EPS15: variants seen among roughly 807,000 people sequenced by gnomAD.
EPS15 encodes epidermal growth factor receptor substrate 15.
Under a neutral mutation model 113.8 loss-of-function variants are expected in EPS15, and 72 were observed. The ratio of observed to expected loss-of-function variants is 0.63; its 90% CI spans 0.52 to 0.77. The LOEUF is 0.77. EPS15 is among the 30% of genes least tolerant of loss of function. The pLI is 0.00. For synonymous variants in EPS15, 344 were observed against 363.4 expected, an observed-to-expected ratio of 0.95 and a Z score of 0.61; for missense variants, 1,048 against 1,045.8, an observed-to-expected ratio of 1.00 and a Z score of -0.03.
chr1:51,390,449 G>A (rs575853207), intron 21 of EPS15, among the ~76,000 whole-genome samples: 2 of 152,292 alleles, frequency 1.3e-5, no homozygotes, highest in East Asian at 3.9e-4. Flanking sequence ...GACAACAGAA[G>A]CCAAAATTGA....
At chr1:51,515,482 A>C (rs369971301) in intron 1 of EPS15, among the ~76,000 whole-genome samples, 4 of 143,120 alleles carry the variant, frequency 2.8e-5, no homozygotes, top group Non-Finnish European at 6.1e-5. Flanking sequence ...AAAACAAAAC[A>C]AAAAAAAAAA....
intron 1 of EPS15, among the ~76,000 whole-genome samples, chr1:51,506,047 C>T (rs1419795891): frequency 2.0e-5 from 3 of 152,072 alleles, no homozygotes; most frequent in East Asian, 1.9e-4. Context: ...CCACCACACC[C>T]GGCTGATTTT....
At chr1:51,386,463 T>C (rs1456955088) in intron 21 of EPS15, among the ~76,000 whole-genome samples, 1 of 152,054 alleles carries the variant, frequency 6.6e-6, no homozygotes. Context: ...GCATTTGCGG[T>C]TCAAGAAAAT....
intron 12 of EPS15, among the ~76,000 whole-genome samples, chr1:51,434,770 C>G (rs948407274): frequency 5.9e-5 from 9 of 152,312 alleles, no homozygotes; most frequent in African/African-American, 1.9e-4. Context: ...CTCCCGGGTT[C>G]AAGCGATTCT....
chr1:51,383,290 G>A lies in EPS15; in HGVS notation c.2119+11091C>T, dbSNP rs539752698. Among the ~76,000 whole-genome samples, 4 of 152,340 alleles carry A rather than the reference G, an allele frequency of 2.6e-5. No individual in the cohort carries two copies. In the East Asian group the frequency reaches 5.8e-4, roughly 22 times the overall value. On this transcript the variant is annotated intron_variant, in intron 21 of 24. Transcript: ENST00000371733. ...GTGAATATCACATTCAATCTTGAGA[G>A]GCTGAAACCATTTCTCTACAATAAG... is the stretch of plus-strand genomic sequence containing the variant.
chr1:51,454,685 G>A (rs1653842743), intron 8 of EPS15, among the ~76,000 whole-genome samples: 1 of 152,188 alleles, frequency 6.6e-6, no homozygotes, highest in Non-Finnish European at 1.5e-5. Context: ...ATACCAGAGA[G>A]ACTGAAAACA....
chr1:51,366,333 G>T (rs1646507055), intron 21 of EPS15, among the ~76,000 whole-genome samples: 1 of 152,182 alleles, frequency 6.6e-6, no homozygotes, highest in Non-Finnish European at 1.5e-5. Flanking sequence ...CTCCCAGAGT[G>T]CTGGAATTAT....
chr1:51,370,830 G>A (rs1646630727), intron 21 of EPS15, among the ~76,000 whole-genome samples: 1 of 152,030 alleles, frequency 6.6e-6, no homozygotes, highest in Non-Finnish European at 1.5e-5. Context: ...TGTTGGCCAG[G>A]CTGGTCTCGA....
Position 51,354,716 on chromosome 1 carries a change from C to A in EPS15, c.*1984G>T, listed in dbSNP as rs1646181081. On this transcript the variant is annotated 3_prime_UTR_variant, in exon 25 of 25. Transcript: ENST00000371733. The stretch of plus-strand genomic sequence containing the variant: ...TACATATATATTTATATAATATATA[C>A]ATACTTTAATATTATGTTGGTCCAC... 2.7e-5 allele frequency: 5 copies of A among 182,992 alleles called. No homozygotes were observed. Among genetic ancestry groups the A allele is most frequent in the Admixed American group, 1.3e-4 (2 of 15,944 alleles). 11.3% of individuals were successfully genotyped at this position (182,992 alleles called of 1,614,324 possible). A position where few individuals can be genotyped will look rare whatever the true frequency, so the allele number is the denominator to read the frequency against.
At chr1:51,387,434 A>G (rs1647113950) in intron 21 of EPS15, among the ~76,000 whole-genome samples, 3 of 152,252 alleles carry the variant, frequency 2.0e-5, no homozygotes, top group Admixed American at 6.5e-5. Flanking sequence ...TCACCAGCTA[A>G]CATCATAACG....
At chr1:51,365,923 T>C (rs1208944774) in intron 22 of EPS15, 30 bp downstream of exon 22, 1 of 1,467,718 alleles carries the variant, frequency 6.8e-7, no homozygotes, top group African/African-American at 1.4e-5. Flanking sequence ...CACAGTATGT[T>C]TTCCCTTCCC....
chr1:51,417,268 G>C (rs1217965591), intron 13 of EPS15, among the ~76,000 whole-genome samples: 2 of 152,176 alleles, frequency 1.3e-5, no homozygotes, highest in South Asian at 4.1e-4. Flanking sequence ...AAATAATAGG[G>C]AGCTTCTTTT....
intron 21 of EPS15, among the ~76,000 whole-genome samples, chr1:51,368,656 G>T (rs1646567278): frequency 1.3e-5 from 2 of 149,500 alleles, no homozygotes; most frequent in Admixed American, 1.3e-4. Flanking sequence ...GGAGTGCAGT[G>T]GCACGATCTC....
intron 6 of EPS15, among the ~76,000 whole-genome samples, 184 bp downstream of exon 6, chr1:51,465,077 G>A (rs773383580): frequency 4.3e-4 from 66 of 152,178 alleles, no homozygotes; most frequent in Non-Finnish European, 8.8e-4. Context: ...CAAGTAGACC[G>A]ATACTGTCAC....
intron 1 of EPS15, among the ~76,000 whole-genome samples, 191 bp from the exon 2 acceptor site, chr1:51,481,505 T>G (rs984356544): frequency 2.0e-5 from 3 of 152,214 alleles, no homozygotes; most frequent in African/African-American, 7.2e-5. Flanking sequence ...CATGGGTTAC[T>G]AAGAATCAGG....
chr1:51,462,978 G>C (rs1260836812), intron 7 of EPS15, among the ~76,000 whole-genome samples: 1 of 145,122 alleles, frequency 6.9e-6, no homozygotes, highest in African/African-American at 2.6e-5. Flanking sequence ...CTGGGTTCAC[G>C]CGATTCTTCT....
chr1:51,403,568 C>CT, intron 16 of EPS15, 36 bp from the exon 17 acceptor site: 1 of 1,208,790 alleles, frequency 8.3e-7, no homozygotes, highest in Non-Finnish European at 1.2e-6. Flanking sequence ...TAACAATATA[C>CT]TTTTTGACAT....
At chr1:51,516,959 G>A (rs999929594) in intron 1 of EPS15, among the ~76,000 whole-genome samples, 1 of 152,168 alleles carries the variant, frequency 6.6e-6, no homozygotes, top group East Asian at 1.9e-4. Context: ...GTGTGTGCTG[G>A]GAGAGTGGGC....
rs1207609704 is a variant in EPS15 at position 51,361,129 on chromosome 1, T to C, written c.2544+42A>G. ...ACTCCAAAATAATCTCTGAAAACTCTTTAAAGATTTCTCCCCCAAACAGCT... is the reference window on the plus strand; with the variant it reads ...ACTCCAAAATAATCTCTGAAAACTCCTTAAAGATTTCTCCCCCAAACAGCT... On this transcript the variant is annotated intron_variant, in intron 24 of 24. Coordinates refer to ENST00000371733, the MANE Select transcript of EPS15 (RefSeq NM_001981.3). The C allele has an allele frequency of 7.5e-6, 11 of 1,473,872 alleles. No individual in the cohort carries two copies. In the South Asian group the frequency reaches 9.8e-5, roughly 13 times the overall value. The allele number at this position is 1,473,872 out of a possible 1,614,324, so 91.3% of individuals were successfully genotyped here.
Sources: gnomAD v4.1 joint callset for allele counts (sites outside exome capture counted in the v4.1 genomes callset) on GRCh38, gnomAD v4.1.1 for gene constraint, MANE v1.5 for transcripts, NCBI Gene and HGNC (gene_info 2026-07-23, HGNC 2026-07-21) for gene names.